The following FGFR1OP2 variants were observed in gnomAD, a reference collection of about 807,000 sequenced individuals.
FGFR1OP2 encodes the protein fibroblast growth factor receptor 1 oncogene partner 2.
Under a neutral mutation model 35.2 loss-of-function variants are expected in FGFR1OP2, and 17 were observed. The observed-to-expected ratio is 0.48, with a 90% CI of 0.33 to 0.73. FGFR1OP2 has a LOEUF of 0.73. Among genes scored for constraint, FGFR1OP2 ranks in the 30% least tolerant of loss-of-function variants. FGFR1OP2 has a pLI of 0.02. For synonymous variants in FGFR1OP2, 105 were observed against 104.6 expected (o/e 1.00, Z -0.03); for missense variants, 251 against 307.3 (o/e 0.82, Z 1.37).
chr12:26,960,789 A>T (rs1939094270), intron 5 of FGFR1OP2, 161 bp downstream of exon 5: 1 of 1,153,960 alleles, frequency 8.7e-7, no homozygotes, highest in South Asian at 2.0e-5. Context: ...CAGTGTAGAA[A>T]CTTTAAATCT....
intron 5 of FGFR1OP2, chr12:26,960,851 G>T: frequency 2.1e-6 from 1 of 486,992 alleles, no homozygotes; most frequent in East Asian, 4.8e-5. Flanking sequence ...GATATTTGCA[G>T]GTTTTATAGG....
chr12:26,941,113 T>TA (rs879551267), intron 1 of FGFR1OP2, among the ~76,000 whole-genome samples: 80 of 126,920 alleles, frequency 6.3e-4, no homozygotes, highest in South Asian at 2.6e-3. Context: ...TTTAACTTGC[T>TA]AAAAAAAAAA....
At position 26,955,123 on chromosome 12, in the gene FGFR1OP2, G is replaced by C. The variant is rs372237104; in HGVS notation, c.135+830G>C. Among the ~76,000 whole-genome samples, 8 of 152,280 alleles carry C rather than the reference G, an allele frequency of 5.3e-5. No individual in the cohort carries two copies. In the East Asian group the frequency reaches 9.6e-4, roughly 18 times the overall value. On this transcript the variant is annotated intron_variant, in intron 2 of 6. Transcript: ENST00000229395. Reference sequence around the variant, plus strand: ...GCATCCCTAACCAACTGTCCAGCTAGACTCAGGCACTTCAGTGAACATATA... The same window carrying C: ...GCATCCCTAACCAACTGTCCAGCTACACTCAGGCACTTCAGTGAACATATA...
rs910185843 is a variant in FGFR1OP2 at position 26,965,909 on chromosome 12, T to C, written c.*1176T>C. On this transcript the variant is annotated 3_prime_UTR_variant, in exon 7 of 7. Transcript: ENST00000229395. The stretch of plus-strand genomic sequence containing the variant: ...CAGTTGAAACCTAAATTTTCTTATG[T>C]TGTGGTGATTGTATTAAAAAGGGAT... The C allele has an allele frequency of 6.6e-6, 1 of 152,036 alleles. No individual in the cohort carries two copies. Among genetic ancestry groups the C allele is most frequent in the Non-Finnish European group, 1.5e-5 (1 of 67,954 alleles). 9.4% of individuals were successfully genotyped at this position (152,036 alleles called of 1,614,324 possible).
At chr12:26,959,407 T>A (rs867127342) in intron 4 of FGFR1OP2, among the ~76,000 whole-genome samples, 1 of 152,112 alleles carries the variant, frequency 6.6e-6, no homozygotes, top group Non-Finnish European at 1.5e-5. Context: ...AAGATAAATA[T>A]AATCTTGAGA....
intron 1 of FGFR1OP2, among the ~76,000 whole-genome samples, chr12:26,946,256 C>T (rs1938820285): frequency 6.6e-6 from 1 of 152,142 alleles, no homozygotes; most frequent in Non-Finnish European, 1.5e-5. Context: ...ATTTTATCAT[C>T]ATGTAATGTT....
intron 6 of FGFR1OP2, 77 bp from the exon 7 acceptor site, chr12:26,964,519 T>C: frequency 6.6e-7 from 1 of 1,507,718 alleles, no homozygotes; most frequent in East Asian, 2.3e-5. Flanking sequence ...TATGTTCAGT[T>C]TTTCCTAACA....
intron 1 of FGFR1OP2, among the ~76,000 whole-genome samples, chr12:26,942,226 T>A (rs1938747228): frequency 6.6e-6 from 1 of 152,120 alleles, no homozygotes; most frequent in South Asian, 2.1e-4. Context: ...ACAGACAGGG[T>A]TTCACCATGT....
At chr12:26,946,873 A>G (rs1239051038) in intron 1 of FGFR1OP2, among the ~76,000 whole-genome samples, 2 of 152,068 alleles carry the variant, frequency 1.3e-5, no homozygotes, top group East Asian at 3.9e-4. Context: ...CCACTAATCT[A>G]CTTTCAGCCT....
chr12:26,959,392 T>C (rs1389409519), intron 4 of FGFR1OP2, among the ~76,000 whole-genome samples: 1 of 152,106 alleles, frequency 6.6e-6, no homozygotes, highest in African/African-American at 2.4e-5. Context: ...CTTAATATTA[T>C]TTGTAAGATA....
intron 4 of FGFR1OP2, 42 bp downstream of exon 4, chr12:26,957,785 A>G: frequency 6.6e-7 from 1 of 1,526,602 alleles, no homozygotes; most frequent in African/African-American, 1.4e-5. Flanking sequence ...GAAAAGAGAG[A>G]CGATTGATTA....
chr12:26,940,407 G>T (rs769335514), intron 1 of FGFR1OP2, among the ~76,000 whole-genome samples: 25 of 152,130 alleles, frequency 1.6e-4, no homozygotes, highest in Admixed American at 3.3e-4. Flanking sequence ...CTATTTTCAA[G>T]GACAGTGAAA....
Position 26,965,570 on chromosome 12 carries a change from T to C in FGFR1OP2, c.*837T>C, listed in dbSNP as rs1263744214. Reference sequence around the variant, plus strand: ...GTTAACAGAATTGAAATGTTTGATATGGCAAGATAGGTATGGTAATTTCAA... The same window carrying C: ...GTTAACAGAATTGAAATGTTTGATACGGCAAGATAGGTATGGTAATTTCAA... On this transcript the variant is annotated 3_prime_UTR_variant, in exon 7 of 7. Coordinates refer to ENST00000229395, the MANE Select transcript of FGFR1OP2 (RefSeq NM_015633.3). 3.9e-5 allele frequency: 6 copies of C among 152,362 alleles called. No individual in the cohort carries two copies. The highest frequency in any genetic ancestry group is 7.4e-5 in the Non-Finnish European group (5 of 67,928). The allele number at this position is 152,362 out of a possible 1,614,324, so 9.4% of individuals were successfully genotyped here. A position where few individuals can be genotyped will look rare whatever the true frequency, so the allele number is the denominator to read the frequency against.
chr12:26,950,094 C>T lies in FGFR1OP2; in HGVS notation c.-14-4051C>T, dbSNP rs960292014. Among the ~76,000 whole-genome samples the T allele has an allele frequency of 4.6e-5, 7 of 151,814 alleles. No homozygotes were observed. In the South Asian group the frequency reaches 6.2e-4, roughly 14 times the overall value. On this transcript the variant is annotated intron_variant, in intron 1 of 6. Transcript: ENST00000229395. ...ATAAGGACATTTAGTCAAAGCATCC[C>T]GCTTATAGTAACGAACTTTAAGGTA...
rs1169395956 is a variant in FGFR1OP2 at position 26,957,661 on chromosome 12, G to A, written c.314G>A (p.Arg105Gln). 11 of 1,613,408 alleles carry A rather than the reference G, an allele frequency of 6.8e-6. No individual in the cohort carries two copies. The highest frequency in any genetic ancestry group is 5.0e-5 in the Admixed American group (3 of 59,972). The change falls in exon 4 of 7, where the codon CGA becomes CAA. Residue 105 changes from arginine to glutamine, a missense_variant. Arg to Gln is a conservative substitution (Grantham distance 43). Transcript: ENST00000229395. ...TTGGAACTTATAATGAGCAAGTACC[G>A]AGAACAAATGTTTAGATTGCTAATG... is the stretch of plus-strand genomic sequence containing the variant. ...SALELIMSKYREQMFRLLMAS... is the reference protein window; with the variant it reads ...SALELIMSKYQEQMFRLLMAS...
intron 4 of FGFR1OP2, among the ~76,000 whole-genome samples, chr12:26,959,925 C>T (rs1939078883): frequency 6.6e-6 from 1 of 151,814 alleles, no homozygotes; most frequent in Non-Finnish European, 1.5e-5. Flanking sequence ...TAAGGTAGGG[C>T]GTGATGAATC....
intron 2 of FGFR1OP2, among the ~76,000 whole-genome samples, chr12:26,954,602 A>T (rs1479839583): frequency 2.0e-5 from 3 of 152,238 alleles, no homozygotes; most frequent in Non-Finnish European, 2.9e-5. Context: ...TAATGTTGGT[A>T]CACATTTTGT....
chr12:26,956,694 T>TTA, intron 3 of FGFR1OP2, 34 bp downstream of exon 3: 1 of 1,271,848 alleles, frequency 7.9e-7, no homozygotes, highest in Non-Finnish European at 1.1e-6. Context: ...TTAATCCCAT[T>TTA]TCTAGTCTAT....
At chr12:26,957,541 G>A in intron 3 of FGFR1OP2, 60 bp from the exon 4 acceptor site, 1 of 1,469,966 alleles carries the variant, frequency 6.8e-7, no homozygotes, top group South Asian at 1.3e-5. Flanking sequence ...CTTAGTGGAA[G>A]AGAATATTTT....
Sources: gnomAD v4.1 joint callset for allele counts (sites outside exome capture counted in the v4.1 genomes callset) on GRCh38, gnomAD v4.1.1 for gene constraint, MANE v1.5 for transcripts, NCBI Gene and HGNC (gene_info 2026-07-23, HGNC 2026-07-21) for gene names.